The following KCNH3 variants were observed in gnomAD, a reference collection of about 807,000 sequenced individuals.
KCNH3 encodes potassium voltage-gated channel subfamily H member 3, also known as voltage-gated inwardly rectifying potassium channel KCNH3.
In KCNH3, 36 loss-of-function variants were observed where a neutral mutation model predicts 95.6. That is an observed-to-expected ratio of 0.38 (90% CI 0.29 to 0.50). The LOEUF is 0.50. Ranked by LOEUF, KCNH3 falls within the 20% of genes least tolerant of loss-of-function variation. KCNH3 has a pLI of 0.95. For missense variants in KCNH3, 1,030 were observed against 1,484.1 expected (o/e 0.69, Z 5.03); for synonymous variants, 620 against 646.3 (o/e 0.96, Z 0.62).
At chr12:49,544,144 C>CAACCCAACCA in intron 6 of KCNH3, 31 bp from the exon 7 acceptor site, 1 of 1,493,170 alleles carries the variant, frequency 6.7e-7, no homozygotes, top group Non-Finnish European at 9.2e-7. Flanking sequence ...GCTGACCTCC[C>CAACCCAACCA]TCCCTCCCTC....
chr12:49,544,544 G>A (rs1459156284), intron 7 of KCNH3, among the ~76,000 whole-genome samples, 162 bp downstream of exon 7: 3 of 152,190 alleles, frequency 2.0e-5, no homozygotes, highest in East Asian at 1.9e-4. Context: ...CCACCACCAC[G>A]TGACGGGCCT....
Position 49,556,430 on chromosome 12 carries a change from G to A in KCNH3, c.2529G>A (p.Val843=), listed in dbSNP as rs1938446852. Residue 843 remains valine, a synonymous_variant, in exon 13 of 15, where the codon GTG becomes GTA. Transcript: ENST00000257981. ...GSDQPKFSFR[V]GQSGPECSSS... ...ACCAGCCCAAGTTCTCTTTCCGCGT[G>A]GGCCAGTCTGGCCCGGAATGTAGCA... 6.2e-7 allele frequency: 1 copy of A among 1,614,046 alleles called. No homozygotes were observed. The highest frequency in any genetic ancestry group is 8.5e-7 in the Non-Finnish European group (1 of 1,179,974).
intron 9 of KCNH3, 37 bp from the exon 10 acceptor site, chr12:49,550,043 T>C: frequency 7.7e-6 from 10 of 1,299,528 alleles, no homozygotes; most frequent in South Asian, 2.7e-5. Flanking sequence ...CTTCTGCCAC[T>C]CCCAACCCCC....
intron 10 of KCNH3, 70 bp downstream of exon 10, chr12:49,550,399 C>A: frequency 6.6e-7 from 1 of 1,513,220 alleles, no homozygotes; most frequent in Non-Finnish European, 8.8e-7. Context: ...CTGTGGAAAA[C>A]CTGGAGAGGG....
At chr12:49,543,846 A>G in intron 5 of KCNH3, 69 bp from the exon 6 acceptor site, 1 of 1,555,270 alleles carries the variant, frequency 6.4e-7, no homozygotes, top group Non-Finnish European at 8.8e-7. Flanking sequence ...TGAGAAAGTG[A>G]GCAGGTGTCC....
chr12:49,557,558 G>C lies in KCNH3; in HGVS notation c.2857G>C (p.Ala953Pro). 1 of 1,612,182 alleles carries C rather than the reference G, an allele frequency of 6.2e-7. No individual in the cohort carries two copies. Among genetic ancestry groups the C allele is most frequent in the South Asian group, 1.1e-5 (1 of 91,072 alleles). Residue 953 changes from alanine (A) to proline (P), a missense_variant, in exon 15 of 15, where the codon GCT becomes CCT. By Grantham distance (27) the Ala-to-Pro change is conservative. Around this residue, in one of 9 missense-constraint regions of KCNH3, gnomAD observed 464 missense variants for 493.2 expected, o/e 0.94. Transcript: ENST00000257981. Reference protein sequence around the residue: ...GASSYCLQPPAGSVLSGTWPH... With the variant: ...GASSYCLQPPPGSVLSGTWPH... ...ATCCTCCTACTGCCTGCAGCCCCCA[G>C]CTGGCTCTGTCTTGAGTGGGACTTG...
At chr12:49,552,202 T>A (rs1018574769) in intron 10 of KCNH3, among the ~76,000 whole-genome samples, 3 of 152,194 alleles carry the variant, frequency 2.0e-5, no homozygotes, top group Non-Finnish European at 2.9e-5. Context: ...AACAGATGGT[T>A]TCCAGCCTGG....
At chr12:49,548,471 G>A (rs1361972608) in intron 7 of KCNH3, among the ~76,000 whole-genome samples, 2 of 152,184 alleles carry the variant, frequency 1.3e-5, no homozygotes, top group East Asian at 3.9e-4. Flanking sequence ...TTCTGGAGTT[G>A]ATGGGCTCAG....
At chr12:49,542,232 G>A (rs1431975629) in intron 3 of KCNH3, among the ~76,000 whole-genome samples, 3 of 152,116 alleles carry the variant, frequency 2.0e-5, no homozygotes, top group African/African-American at 2.4e-5. Context: ...TGCCATTTGG[G>A]GATGCTGGGG....
intron 7 of KCNH3, among the ~76,000 whole-genome samples, chr12:49,547,067 A>G (rs943507723): frequency 6.6e-6 from 1 of 151,830 alleles, no homozygotes; most frequent in Non-Finnish European, 1.5e-5. Flanking sequence ...GCTAATTTTT[A>G]TATTTTTAGT....
intron 7 of KCNH3, among the ~76,000 whole-genome samples, chr12:49,545,310 CA>C (rs1938021862): frequency 6.6e-6 from 1 of 151,932 alleles, no homozygotes; most frequent in South Asian, 2.1e-4. Context: ...GCCTCAGGTC[CA>C]AAATCAAACC....
At chr12:49,551,771 A>G (rs755261676) in intron 10 of KCNH3, among the ~76,000 whole-genome samples, 11 of 152,110 alleles carry the variant, frequency 7.2e-5, no homozygotes, top group Non-Finnish European at 1.2e-4. Context: ...AGGCACGTGT[A>G]GATTCACTGT....
In KCNH3 at chr12:49,557,830, G is replaced by GC; in HGVS notation, c.3134dup (p.Pro1046ThrfsTer62). 6.2e-7 allele frequency: 1 copy of GC among 1,600,074 alleles called. No homozygotes were observed. The highest frequency in any genetic ancestry group is 1.1e-5 in the South Asian group (1 of 90,442). ...AGGCTGAGGCTACCAGCACTGGAGA[G>GC]CCCCCACCAGGGTCAGGGGGCCTGG... is the stretch of plus-strand genomic sequence containing the variant. On this transcript the variant is annotated frameshift_variant, in exon 15 of 15. Transcript: ENST00000257981. LOFTEE classifies it high-confidence loss of function.
At chr12:49,549,311 G>A in intron 8 of KCNH3, 130 bp from the exon 9 acceptor site, 1 of 1,454,132 alleles carries the variant, frequency 6.9e-7, no homozygotes, top group South Asian at 1.3e-5. Flanking sequence ...CCGGGGGTGG[G>A]GGAGACTTCG....
chr12:49,556,683 G>A (rs1269241715), intron 13 of KCNH3: 2 of 698,770 alleles, frequency 2.9e-6, no homozygotes. Flanking sequence ...CCAGGAACTG[G>A]GTTTATATCC....
chr12:49,552,230 G>A (rs745860001), intron 10 of KCNH3, among the ~76,000 whole-genome samples: 7 of 152,232 alleles, frequency 4.6e-5, no homozygotes, highest in Non-Finnish European at 1.0e-4. Context: ...GGAGTTGTGT[G>A]GCTGGGAGCT....
At chr12:49,548,726 T>A (rs975514701) in intron 7 of KCNH3, among the ~76,000 whole-genome samples, 169 bp from the exon 8 acceptor site, 1 of 152,084 alleles carries the variant, frequency 6.6e-6, no homozygotes, top group African/African-American at 2.4e-5. Context: ...AATGGCAGAC[T>A]CTTCTGAGGG....
At position 49,556,515 on chromosome 12, in the gene KCNH3, C is replaced by A. The variant is rs547789500; in HGVS notation, c.2575+39C>A. 7.5e-4 allele frequency: 1,068 copies of A among 1,426,744 alleles called. 22 individuals carry two copies. The South Asian group carries it at 0.012, about 16-fold the overall frequency. The allele number at this position is 1,426,744 out of a possible 1,614,324, so 88.4% of individuals were successfully genotyped here. On this transcript the variant is annotated intron_variant, in intron 13 of 14. Transcript: ENST00000257981. The stretch of plus-strand genomic sequence containing the variant: ...GGGATGGTCTAGGTTGGTGGGGCAG[C>A]CCCTTTGCCTTGTGAACCTCAAGCA...
intron 10 of KCNH3, among the ~76,000 whole-genome samples, chr12:49,552,678 T>C (rs1191698908): frequency 6.6e-6 from 1 of 152,204 alleles, no homozygotes; most frequent in Non-Finnish European, 1.5e-5. Flanking sequence ...AGGAAGTAGT[T>C]TGATGAGCTG....
Sources: gnomAD v4.1 joint callset for allele counts (sites outside exome capture counted in the v4.1 genomes callset) on GRCh38, gnomAD v4.1.1 for gene constraint, gnomAD v4.1.1 regional missense constraint, MANE v1.5 for transcripts, NCBI Gene and HGNC (gene_info 2026-07-23, HGNC 2026-07-21) for gene names.